Variants in BNC2 observed in about 807,000 individuals in gnomAD.
BNC2 encodes basonuclin zinc finger protein 2.
Under a neutral mutation model 76.3 loss-of-function variants are expected in BNC2, and 20 were observed. The observed-to-expected ratio is 0.26, with a 90% confidence interval of 0.18 to 0.38. BNC2 has a LOEUF of 0.38. Ranked by LOEUF, BNC2 falls within the 10% of genes least tolerant of loss-of-function variation. The pLI, the probability that BNC2 is intolerant of heterozygous loss-of-function variation, is 1.00. For missense variants in BNC2, 1,382 were observed against 1,399.8 expected (o/e 0.99, Z 0.20); for synonymous variants, 582 against 514.8 (o/e 1.13, Z -1.77).
chr9:16,762,130 CT>C (rs1489299234), intron 1 of BNC2, among the ~76,000 whole-genome samples: 2 of 152,130 alleles, frequency 1.3e-5, no homozygotes, highest in Non-Finnish European at 2.9e-5. Context: ...AGGAAGCAAA[CT>C]CTTCACTCTG....
At chr9:16,446,387 A>T (rs951782338) in intron 5 of BNC2, among the ~76,000 whole-genome samples, 11 of 152,146 alleles carry the variant, frequency 7.2e-5, no homozygotes, top group African/African-American at 2.7e-4. Context: ...TTTAGAAGGA[A>T]GAAGCAACAT....
At chr9:16,539,022 T>C (rs1818216426) in intron 5 of BNC2, among the ~76,000 whole-genome samples, 1 of 152,164 alleles carries the variant, frequency 6.6e-6, no homozygotes. Flanking sequence ...TGTCTGTCTG[T>C]TTACCACTTG....
intron 1 of BNC2, among the ~76,000 whole-genome samples, chr9:16,813,408 G>A (rs992082403): frequency 7.3e-5 from 11 of 151,446 alleles, no homozygotes; most frequent in African/African-American, 2.4e-4. Flanking sequence ...TGGGACTACA[G>A]GCGCCCGCCA....
intron 1 of BNC2, among the ~76,000 whole-genome samples, chr9:16,780,257 C>CAAAAAAA (rs1212395782): frequency 2.2e-3 from 172 of 78,652 alleles, no homozygotes; most frequent in African/African-American, 6.8e-3. Flanking sequence ...AAAAAAAAAA[C>CAAAAAAA]AAAAAAAAAC....
chr9:16,867,608 C>G (rs937363554), intron 1 of BNC2: 10 of 152,062 alleles, frequency 6.6e-5, no homozygotes, highest in African/African-American at 2.2e-4. Flanking sequence ...AAGGAAACCA[C>G]TAACTTCAAG....
chr9:16,504,895 G>C (rs1394908102), intron 5 of BNC2, among the ~76,000 whole-genome samples: 1 of 152,196 alleles, frequency 6.6e-6, no homozygotes, highest in Non-Finnish European at 1.5e-5. Flanking sequence ...GTGGGACCAT[G>C]TAATGGTTAC....
At chr9:16,817,743 C>T (rs1280118452) in intron 1 of BNC2, among the ~76,000 whole-genome samples, 1 of 152,198 alleles carries the variant, frequency 6.6e-6, no homozygotes, top group Non-Finnish European at 1.5e-5. Context: ...TTTGCTCATA[C>T]TGGAGACTTT....
chr9:16,772,166 G>A (rs1825849302), intron 1 of BNC2, among the ~76,000 whole-genome samples: 1 of 152,076 alleles, frequency 6.6e-6, no homozygotes, highest in Non-Finnish European at 1.5e-5. Flanking sequence ...TTTAATGAAA[G>A]GTTTCCAGGC....
chr9:16,422,337 A>G (rs1215449441), intron 6 of BNC2, among the ~76,000 whole-genome samples: 1 of 152,140 alleles, frequency 6.6e-6, no homozygotes, highest in Non-Finnish European at 1.5e-5. Context: ...AATTACATTG[A>G]CTTTTATTCA....
chr9:16,570,256 G>C (rs911007369), intron 4 of BNC2, among the ~76,000 whole-genome samples: 1 of 152,142 alleles, frequency 6.6e-6, no homozygotes, highest in African/African-American at 2.4e-5. Flanking sequence ...CCAGCATCTG[G>C]TAGGGAAATA....
Position 16,418,866 on chromosome 9 carries a change from C to T in BNC2, c.*123G>A. Reference sequence around the variant, plus strand: ...TGTGTATATGTAGCCACAGAGCATACATAAATGCACACACACACACACACA... The same window carrying T: ...TGTGTATATGTAGCCACAGAGCATATATAAATGCACACACACACACACACA... On this transcript the variant is annotated 3_prime_UTR_variant, in exon 7 of 7. Transcript: ENST00000380672. The T allele has an allele frequency of 1.9e-6, 2 of 1,043,660 alleles. No individual in the cohort carries two copies. Among genetic ancestry groups the T allele is most frequent in the East Asian group, 2.5e-5 (1 of 39,654 alleles). The allele number at this position is 1,043,660 out of a possible 1,614,324, so 64.6% of individuals were successfully genotyped here.
chr9:16,561,357 G>C (rs1819009688), intron 4 of BNC2, among the ~76,000 whole-genome samples: 2 of 152,120 alleles, frequency 1.3e-5, no homozygotes, highest in African/African-American at 2.4e-5. Context: ...GGATGGCTTA[G>C]AGCCAAGTGA....
Position 16,656,394 on chromosome 9 carries a change from C to T in BNC2, c.330+71403G>A, listed in dbSNP as rs187938878. ...CACCAGGAGAACTGATGGTAGGATTCGGGGGTGGGGAGAGACAGAATTCAC... is the reference window on the plus strand; with the variant it reads ...CACCAGGAGAACTGATGGTAGGATTTGGGGGTGGGGAGAGACAGAATTCAC... On this transcript the variant is annotated intron_variant, in intron 3 of 6. Transcript: ENST00000380672. Among the ~76,000 whole-genome samples the T allele has an allele frequency of 1.2e-4, 18 of 152,118 alleles. No individual in the cohort carries two copies. The East Asian group carries it at 3.1e-3, about 26-fold the overall frequency.
chr9:16,862,244 G>C (rs1160009685), intron 1 of BNC2, among the ~76,000 whole-genome samples: 1 of 152,158 alleles, frequency 6.6e-6, no homozygotes, highest in Admixed American at 6.5e-5. Flanking sequence ...TACTCAAAAA[G>C]TGTAAACAAC....
chr9:16,651,087 GA>G, intron 3 of BNC2, among the ~76,000 whole-genome samples: 1 of 152,004 alleles, frequency 6.6e-6, no homozygotes, highest in East Asian at 1.9e-4. Flanking sequence ...AAGGATTAAT[GA>G]AAAAATAAAG....
intron 3 of BNC2, among the ~76,000 whole-genome samples, chr9:16,601,719 T>G (rs1820249619): frequency 6.6e-6 from 1 of 152,040 alleles, no homozygotes; most frequent in Non-Finnish European, 1.5e-5. Flanking sequence ...AGAAAAGATA[T>G]AAATGATTAA....
rs1342546793 is a variant in BNC2 at position 16,411,813 on chromosome 9, C to G, written c.*7176G>C. 1 of 152,340 alleles carries G rather than the reference C, an allele frequency of 6.6e-6. No individual in the cohort carries two copies. The allele number at this position is 152,340 out of a possible 1,614,324, so 9.4% of individuals were successfully genotyped here. A position where few individuals can be genotyped will look rare whatever the true frequency, so the allele number is the denominator to read the frequency against. Reference sequence around the variant, plus strand: ...CGATACCTGCACGTGTCTTACCTGGCTGACTAATATCTTACTGAAATGTGA... The same window carrying G: ...CGATACCTGCACGTGTCTTACCTGGGTGACTAATATCTTACTGAAATGTGA... On this transcript the variant is annotated 3_prime_UTR_variant, in exon 7 of 7. Coordinates refer to ENST00000380672, the MANE Select transcript of BNC2 (RefSeq NM_017637.6).
At chr9:16,777,171 A>C (rs894597426) in intron 1 of BNC2, among the ~76,000 whole-genome samples, 1 of 151,936 alleles carries the variant, frequency 6.6e-6, no homozygotes, top group Non-Finnish European at 1.5e-5. Flanking sequence ...AAGTAAATAA[A>C]TAAATAAATA....
intron 1 of BNC2, among the ~76,000 whole-genome samples, chr9:16,858,265 C>G (rs1819311554): frequency 6.6e-6 from 1 of 152,130 alleles, no homozygotes; most frequent in Non-Finnish European, 1.5e-5. Context: ...TGAAGTGTGT[C>G]TCTTATCATA....
Sources: allele counts gnomAD v4.1 joint callset (sites outside exome capture counted in the v4.1 genomes callset), GRCh38; gene constraint gnomAD v4.1.1; transcripts MANE v1.5; gene names NCBI Gene and HGNC (gene_info 2026-07-23, HGNC 2026-07-21).